The following ACOXL variants were observed in gnomAD, a reference collection of about 807,000 sequenced individuals.
ACOXL encodes the protein acyl-CoA oxidase like, also known as acyl-coenzyme A oxidase-like protein.
In ACOXL, 70 loss-of-function variants were observed where a neutral mutation model predicts 71.9. The observed-to-expected ratio is 0.97, with a 90% CI of 0.80 to 1.19. The LOEUF is 1.19. ACOXL is among the 50% of genes most tolerant of loss of function. ACOXL has a pLI of 0.00. For missense variants in ACOXL, 703 were observed against 736.3 expected (o/e 0.95, Z 0.52); for synonymous variants, 253 against 281.6 (o/e 0.90, Z 1.02).
chr2:111,095,987 G>A (rs1415911514), intron 17 of ACOXL, among the ~76,000 whole-genome samples: 1 of 152,052 alleles, frequency 6.6e-6, no homozygotes, highest in African/African-American at 2.4e-5. Context: ...GAAATGATTT[G>A]CAGCCATTCT....
intron 5 of ACOXL, among the ~76,000 whole-genome samples, chr2:110,798,330 C>T (rs927327191): frequency 2.0e-5 from 3 of 151,176 alleles, no homozygotes; most frequent in Non-Finnish European, 2.9e-5. Context: ...AATCACGGCT[C>T]ACTGCAAGCT....
intron 15 of ACOXL, among the ~76,000 whole-genome samples, chr2:111,038,960 T>G (rs900136686): frequency 1.3e-5 from 2 of 152,238 alleles, no homozygotes; most frequent in Non-Finnish European, 2.9e-5. Flanking sequence ...TCTTTGAGTT[T>G]TTCTTCTATA....
In ACOXL at chr2:110,818,974, A is replaced by G. The variant is rs1688294590; in HGVS notation, c.753+13579A>G. 3.8e-5 allele frequency among the ~76,000 whole-genome samples: 5 copies of G among 130,926 alleles called. 2 individuals carry two copies. In the Middle Eastern group the frequency reaches 0.012, roughly 302 times the overall value. 85.9% of individuals were successfully genotyped at this position (130,926 alleles called of 152,430 possible). A position where few individuals can be genotyped will look rare whatever the true frequency, so the allele number is the denominator to read the frequency against. On this transcript the variant is annotated intron_variant, in intron 9 of 17. Transcript: ENST00000439055. ...AGTAATTTTCAGAACACTGGAGAGC[A>G]TAGTTCTATTCAGCACCTAAGGTAC... is the stretch of plus-strand genomic sequence containing the variant.
intron 11 of ACOXL, among the ~76,000 whole-genome samples, chr2:110,912,119 AAAG>A (rs1200270824): frequency 2.0e-5 from 3 of 152,116 alleles, no homozygotes; most frequent in South Asian, 2.1e-4. Context: ...CAAAGAAGTT[AAAG>A]AAGATGTGAA....
intron 14 of ACOXL, among the ~76,000 whole-genome samples, chr2:111,002,258 A>T (rs2063671183): frequency 6.6e-6 from 1 of 151,878 alleles, no homozygotes; most frequent in Non-Finnish European, 1.5e-5. Flanking sequence ...TGAGATGATA[A>T]TTTTTTTTAT....
intron 10 of ACOXL, among the ~76,000 whole-genome samples, chr2:110,904,255 C>G (rs2059356671): frequency 6.6e-6 from 1 of 152,166 alleles, no homozygotes; most frequent in Non-Finnish European, 1.5e-5. Flanking sequence ...AGGGGAGGCT[C>G]CTTCCTTTCA....
chr2:110,975,809 A>C (rs1238200669), intron 12 of ACOXL, among the ~76,000 whole-genome samples: 1 of 124,204 alleles, frequency 8.1e-6, no homozygotes, highest in Non-Finnish European at 1.6e-5. Flanking sequence ...TAAAGATTGC[A>C]AAAAAAAAAA....
intron 9 of ACOXL, among the ~76,000 whole-genome samples, chr2:110,810,454 C>G (rs1234206524): frequency 6.6e-6 from 1 of 152,150 alleles, no homozygotes; most frequent in Non-Finnish European, 1.5e-5. Flanking sequence ...CATCCACCCA[C>G]CTGTTCAACC....
intron 15 of ACOXL, among the ~76,000 whole-genome samples, chr2:111,048,012 C>A (rs1438843185): frequency 2.0e-5 from 3 of 152,224 alleles, no homozygotes; most frequent in African/African-American, 7.2e-5. Flanking sequence ...CCTACCCAGA[C>A]AATATTTTCT....
chr2:110,915,106 A>G (rs1376720397), intron 11 of ACOXL, among the ~76,000 whole-genome samples: 2 of 151,836 alleles, frequency 1.3e-5, no homozygotes, highest in Non-Finnish European at 2.9e-5. Context: ...CATTCTTTTT[A>G]ACTATTTTTG....
intron 14 of ACOXL, among the ~76,000 whole-genome samples, chr2:111,005,054 A>G (rs1314606619): frequency 6.6e-6 from 1 of 152,260 alleles, no homozygotes; most frequent in East Asian, 1.9e-4. Context: ...TGTACCTAAC[A>G]GAAATTGGGC....
At chr2:110,915,510 G>A (rs1254708774) in intron 11 of ACOXL, among the ~76,000 whole-genome samples, 1 of 147,308 alleles carries the variant, frequency 6.8e-6, no homozygotes, top group Non-Finnish European at 1.5e-5. Context: ...TGCAACCTCT[G>A]CCTCCCAGGT....
chr2:111,008,030 C>T (rs192036146), intron 14 of ACOXL, among the ~76,000 whole-genome samples: 44 of 152,346 alleles, frequency 2.9e-4, no homozygotes, highest in African/African-American at 1.0e-3. Flanking sequence ...AACTCATACC[C>T]TGGTGAGAGA....
In ACOXL at chr2:110,805,489, A is replaced by G. The variant is rs537521360; in HGVS notation, c.753+94A>G. 4 of 1,544,884 alleles carry G rather than the reference A, an allele frequency of 2.6e-6. No individual in the cohort carries two copies. The Admixed American group carries it at 5.2e-5, about 20-fold the overall frequency. On this transcript the variant is annotated intron_variant, in intron 9 of 17. Transcript: ENST00000439055. ...TTCCAGGAGCTGAGCTTCTGGAGCC[A>G]CAGTTGGTATAATATGGCCAGGGTT...
chr2:110,959,997 T>G (rs1382562568), intron 12 of ACOXL, among the ~76,000 whole-genome samples: 1 of 152,136 alleles, frequency 6.6e-6, no homozygotes, highest in African/African-American at 2.4e-5. Flanking sequence ...ATAAGGCTGC[T>G]TGTCTTAAAT....
chr2:110,797,337 A>AT (rs963303662), intron 5 of ACOXL, among the ~76,000 whole-genome samples: 1 of 152,146 alleles, frequency 6.6e-6, no homozygotes, highest in South Asian at 2.1e-4. Context: ...ACATTCTAAG[A>AT]TTTTTCCCTC....
chr2:110,883,743 C>T (rs1696954742), intron 10 of ACOXL, among the ~76,000 whole-genome samples: 1 of 152,164 alleles, frequency 6.6e-6, no homozygotes, highest in African/African-American at 2.4e-5. Context: ...ATTATTACTT[C>T]AATAACCTTG....
intron 10 of ACOXL, among the ~76,000 whole-genome samples, chr2:110,895,019 T>C (rs1451440484): frequency 6.6e-6 from 1 of 152,184 alleles, no homozygotes; most frequent in Non-Finnish European, 1.5e-5. Context: ...TCACTCACTA[T>C]ATCAAGAATC....
chr2:110,774,265 A>G (rs1682361181), intron 2 of ACOXL, among the ~76,000 whole-genome samples: 1 of 152,182 alleles, frequency 6.6e-6, no homozygotes, highest in Admixed American at 6.5e-5. Context: ...GATGGAGCTT[A>G]CATTTTTGTC....
Sources: gnomAD v4.1 joint callset for allele counts (sites outside exome capture counted in the v4.1 genomes callset) on GRCh38, gnomAD v4.1.1 for gene constraint, MANE v1.5 for transcripts, NCBI Gene and HGNC (gene_info 2026-07-23, HGNC 2026-07-21) for gene names.